SPAG16: variants seen among roughly 807,000 people sequenced by gnomAD.
SPAG16 encodes sperm-associated antigen 16 protein.
In SPAG16, 86 loss-of-function variants were observed where a neutral mutation model predicts 80.4. The observed-to-expected ratio is 1.07, with a 90% CI of 0.90 to 1.28. The LOEUF is 1.28. Among genes scored for constraint, SPAG16 ranks in the 50% most tolerant of loss-of-function variants. The probability of loss-of-function intolerance (pLI) is 0.00; values close to 1 mark genes in which losing one functional copy is unlikely to be tolerated. For missense variants in SPAG16, 870 were observed against 765.3 expected (o/e 1.14, Z -1.61); for synonymous variants, 294 against 265.9 (o/e 1.11, Z -1.03).
chr2:213,447,330 C>T (rs866382173), intron 9 of SPAG16, among the ~76,000 whole-genome samples: 1 of 152,128 alleles, frequency 6.6e-6, no homozygotes, highest in East Asian at 1.9e-4. Flanking sequence ...ATTCTGAGCC[C>T]AGAACACCCA....
At chr2:213,725,775 AACATGGC>A (rs2066741766) in intron 10 of SPAG16, among the ~76,000 whole-genome samples, 1 of 152,240 alleles carries the variant, frequency 6.6e-6, no homozygotes, top group African/African-American at 2.4e-5. Context: ...TGTATGTAAC[AACATGGC>A]TGATCTTTTA....
At chr2:213,992,661 A>T (rs1483135282) in intron 12 of SPAG16, among the ~76,000 whole-genome samples, 1 of 152,182 alleles carries the variant, frequency 6.6e-6, no homozygotes, top group Non-Finnish European at 1.5e-5. Flanking sequence ...AGTACCGAAT[A>T]ATAGGTGCAA....
At chr2:213,354,330 G>A (rs1247391301) in intron 7 of SPAG16, among the ~76,000 whole-genome samples, 5 of 152,052 alleles carry the variant, frequency 3.3e-5, no homozygotes, top group African/African-American at 7.2e-5. Flanking sequence ...TATTGTGAAC[G>A]GTGCCGCAAT....
At position 214,389,016 on chromosome 2, in the gene SPAG16, C is replaced by T. The variant is rs180872420; in HGVS notation, c.1721-21124C>T. ...TAAACCATCTCTGGTAAATAAAAGA[C>T]GCCCACTGTATCACCCTGAAATCAC... On this transcript the variant is annotated intron_variant, in intron 15 of 15. Transcript: ENST00000331683. Among the ~76,000 whole-genome samples the T allele has an allele frequency of 5.9e-5, 9 of 152,224 alleles. No individual in the cohort carries two copies. The East Asian group carries it at 1.2e-3, about 20-fold the overall frequency.
chr2:214,030,123 ACT>A (rs139354362), intron 13 of SPAG16, among the ~76,000 whole-genome samples: 1 of 151,974 alleles, frequency 6.6e-6, no homozygotes, highest in Non-Finnish European at 1.5e-5. Context: ...TCATTGACTA[ACT>A]CTCTATTTCC....
intron 15 of SPAG16, among the ~76,000 whole-genome samples, chr2:214,154,226 A>T (rs1387226944): frequency 6.6e-6 from 1 of 152,140 alleles, no homozygotes; most frequent in Admixed American, 6.5e-5. Context: ...CACGTCTCTC[A>T]TTTCACCATG....
intron 15 of SPAG16, among the ~76,000 whole-genome samples, chr2:214,188,699 G>A (rs1040591731): frequency 1.3e-5 from 2 of 152,024 alleles, no homozygotes; most frequent in African/African-American, 2.4e-5. Context: ...ACCTGCTGTG[G>A]TTCTGAATAC....
At chr2:213,753,711 A>G (rs576337541) in intron 10 of SPAG16, among the ~76,000 whole-genome samples, 121 of 152,292 alleles carry the variant, frequency 7.9e-4, no homozygotes, top group African/African-American at 2.6e-3. Flanking sequence ...TACAGTGTGG[A>G]TGTAATATGG....
chr2:214,087,238 A>G (rs1454076564), intron 13 of SPAG16, among the ~76,000 whole-genome samples: 1 of 152,170 alleles, frequency 6.6e-6, no homozygotes, highest in Non-Finnish European at 1.5e-5. Context: ...CTTAACTTTA[A>G]GGACGCTATA....
chr2:213,916,678 A>T (rs2077987623), intron 11 of SPAG16, among the ~76,000 whole-genome samples: 1 of 152,168 alleles, frequency 6.6e-6, no homozygotes, highest in African/African-American at 2.4e-5. Flanking sequence ...CCCATGACAC[A>T]TGGGGATTAT....
chr2:213,426,587 A>G (rs1052923406), intron 9 of SPAG16, among the ~76,000 whole-genome samples: 1 of 151,962 alleles, frequency 6.6e-6, no homozygotes, highest in African/African-American at 2.4e-5. Flanking sequence ...ATTATGTATT[A>G]TCACTGCTAA....
At chr2:213,740,824 A>G (rs2067516161) in intron 10 of SPAG16, among the ~76,000 whole-genome samples, 1 of 152,226 alleles carries the variant, frequency 6.6e-6, no homozygotes, top group Non-Finnish European at 1.5e-5. Flanking sequence ...AAGAAAGACC[A>G]ATTACTTGGA....
intron 10 of SPAG16, among the ~76,000 whole-genome samples, chr2:213,767,567 G>C (rs2069002788): frequency 6.6e-6 from 1 of 151,848 alleles, no homozygotes; most frequent in South Asian, 2.1e-4. Flanking sequence ...GGTGGAGGCT[G>C]CAGGGACCTC....
chr2:214,018,273 A>G (rs925020712), intron 13 of SPAG16, among the ~76,000 whole-genome samples: 1 of 152,116 alleles, frequency 6.6e-6, no homozygotes, highest in African/African-American at 2.4e-5. Flanking sequence ...AAACAAAACA[A>G]AAAAACTTTA....
At chr2:213,594,887 A>G (rs1473965866) in intron 10 of SPAG16, among the ~76,000 whole-genome samples, 1 of 152,128 alleles carries the variant, frequency 6.6e-6, no homozygotes, top group African/African-American at 2.4e-5. Context: ...TCTGAATAGA[A>G]TTAGGATTAT....
intron 10 of SPAG16, among the ~76,000 whole-genome samples, chr2:213,526,937 T>G (rs1241537147): frequency 6.6e-6 from 1 of 152,108 alleles, no homozygotes; most frequent in Non-Finnish European, 1.5e-5. Flanking sequence ...TCTAGGCTGG[T>G]TTGTGTTTTC....
chr2:213,508,778 G>A (rs2075088714), intron 10 of SPAG16, among the ~76,000 whole-genome samples: 1 of 151,994 alleles, frequency 6.6e-6, no homozygotes, highest in Non-Finnish European at 1.5e-5. Flanking sequence ...GGGGTTGGGG[G>A]AGTGGGGAGG....
At chr2:213,317,885 G>C (rs576661307) in intron 5 of SPAG16, 18 of 225,548 alleles carry the variant, frequency 8.0e-5, no homozygotes, top group South Asian at 1.6e-4. Context: ...ATGTGTGGGA[G>C]TAGGAGGTGT....
chr2:213,534,737 G>A lies in SPAG16; in HGVS notation c.1070+44647G>A, dbSNP rs140777901. Among the ~76,000 whole-genome samples, 10 of 152,172 alleles carry A rather than the reference G, an allele frequency of 6.6e-5. No homozygotes were observed. In the East Asian group the frequency reaches 1.9e-3, roughly 29 times the overall value. On this transcript the variant is annotated intron_variant, in intron 10 of 15. Transcript: ENST00000331683. ...TAGTTGCCTCCATGAAGGGGAAAGG[G>A]AATGAAAGGAAAGAGACACATTTAT...
Sources: gnomAD v4.1 joint callset for allele counts (sites outside exome capture counted in the v4.1 genomes callset) on GRCh38, gnomAD v4.1.1 for gene constraint, MANE v1.5 for transcripts, NCBI Gene and HGNC (gene_info 2026-07-23, HGNC 2026-07-21) for gene names.